MRPS5: variants seen among roughly 807,000 people sequenced by gnomAD.
MRPS5 encodes the protein mitochondrial ribosomal protein S5.
Under a neutral mutation model 51.9 loss-of-function variants are expected in MRPS5, and 27 were observed. The ratio of observed to expected loss-of-function variants is 0.52; its 90% CI spans 0.38 to 0.72. The LOEUF is 0.72. Among genes scored for constraint, MRPS5 ranks in the 30% least tolerant of loss-of-function variants. MRPS5 has a pLI of 0.00. For missense variants in MRPS5, 570 were observed against 545.7 expected (o/e 1.04, Z -0.44); for synonymous variants, 196 against 193.2 (o/e 1.01, Z -0.12).
chr2:95,108,451 C>A, intron 4 of MRPS5, 43 bp from the exon 5 acceptor site: 1 of 1,509,948 alleles, frequency 6.6e-7, no homozygotes, highest in South Asian at 1.2e-5. Context: ...TTAAAGTACT[C>A]ATTTTTCAAG....
upstream of MRPS5, chr2:95,121,947 G>C: frequency 1.2e-6 from 1 of 864,382 alleles, no homozygotes; most frequent in Non-Finnish European, 1.6e-6. Context: ...GGACTGTCCG[G>C]ACGGGCCACA....
At chr2:95,116,081 T>G (rs1408806944) in intron 2 of MRPS5, among the ~76,000 whole-genome samples, 1 of 151,916 alleles carries the variant, frequency 6.6e-6, no homozygotes, top group East Asian at 1.9e-4. Flanking sequence ...AATTTTTGTA[T>G]TTTTAGTAGA....
Position 95,106,404 on chromosome 2 carries a change from T to A in MRPS5, c.672+19A>T. 1 of 1,544,438 alleles carries A rather than the reference T, an allele frequency of 6.5e-7. No homozygotes were observed. Among genetic ancestry groups the A allele is most frequent in the Non-Finnish European group, 8.9e-7 (1 of 1,126,466 alleles). Reference sequence around the variant, plus strand: ...ACCTCTCCAAAGGCTTAACCAGGTATTTAATTCTGCATGCCTACCTCAAGT... The same window carrying A: ...ACCTCTCCAAAGGCTTAACCAGGTAATTAATTCTGCATGCCTACCTCAAGT... On this transcript the variant is annotated intron_variant, in intron 6 of 11. Coordinates refer to ENST00000272418, the MANE Select transcript of MRPS5 (RefSeq NM_031902.5).
At position 95,108,428 on chromosome 2, in the gene MRPS5, A is replaced by T. The variant is rs1676016569; in HGVS notation, c.404-20T>A. The T allele has an allele frequency of 1.3e-6, 2 of 1,584,716 alleles. No homozygotes were observed. The highest frequency in any genetic ancestry group is 1.4e-5 in the African/African-American group (1 of 73,804). On this transcript the variant is annotated intron_variant, in intron 4 of 11. Transcript: ENST00000272418. ...AACGCCCTGAAGGTTTAAAAATATAAATAATAATTTTGTTAAAGTACTCAT... is the reference window on the plus strand; with the variant it reads ...AACGCCCTGAAGGTTTAAAAATATATATAATAATTTTGTTAAAGTACTCAT...
At chr2:95,092,097 C>A (rs142017304) in intron 10 of MRPS5, 1 of 152,366 alleles carries the variant, frequency 6.6e-6, no homozygotes, top group Non-Finnish European at 1.5e-5. Context: ...TGGACCAGCA[C>A]AGACACTGCA....
intron 3 of MRPS5, among the ~76,000 whole-genome samples, chr2:95,111,627 T>C (rs1573346958): frequency 6.6e-6 from 1 of 152,214 alleles, no homozygotes; most frequent in Admixed American, 6.5e-5. Flanking sequence ...ACGTTTTTAA[T>C]ACTTTTCAAA....
chr2:95,111,135 C>G (rs1676106327), intron 3 of MRPS5, among the ~76,000 whole-genome samples: 1 of 152,192 alleles, frequency 6.6e-6, no homozygotes, highest in South Asian at 2.1e-4. Context: ...AAGTGAGGCT[C>G]AGGGAAAGTG....
At chr2:95,106,238 G>C (rs1256960795) in intron 6 of MRPS5, among the ~76,000 whole-genome samples, 185 bp downstream of exon 6, 3 of 152,170 alleles carry the variant, frequency 2.0e-5, no homozygotes, top group Non-Finnish European at 4.4e-5. Context: ...GAGGGTAGTA[G>C]TCAGAAGAGC....
chr2:95,109,886 C>A, intron 4 of MRPS5, 30 bp downstream of exon 4: 1 of 1,595,716 alleles, frequency 6.3e-7, no homozygotes, highest in Non-Finnish European at 8.5e-7. Context: ...ACTTACAAAG[C>A]ACTTTAGCTA....
chr2:95,106,668 C>A, intron 5 of MRPS5: 1 of 585,586 alleles, frequency 1.7e-6, no homozygotes, highest in Non-Finnish European at 3.1e-6. Context: ...GATCTCCCCA[C>A]CTGCACCCTC....
chr2:95,105,440 C>A (rs1197875345), intron 6 of MRPS5, among the ~76,000 whole-genome samples: 4 of 151,970 alleles, frequency 2.6e-5, no homozygotes, highest in Non-Finnish European at 5.9e-5. Context: ...GTCCCAGCTA[C>A]TCGGGAGGCT....
At chr2:95,112,603 A>G (rs539473598) in intron 3 of MRPS5, among the ~76,000 whole-genome samples, 2 of 152,348 alleles carry the variant, frequency 1.3e-5, no homozygotes, top group East Asian at 3.9e-4. Flanking sequence ...TTCAGAAATC[A>G]AAGACTATTT....
At chr2:95,093,047 G>A (rs1675514334) in intron 10 of MRPS5, 2 of 152,276 alleles carry the variant, frequency 1.3e-5, no homozygotes, top group Admixed American at 6.5e-5. Context: ...CACACCAGGA[G>A]ATTATATCCC....
At chr2:95,117,592 A>G (rs1462870672) in intron 2 of MRPS5, among the ~76,000 whole-genome samples, 1 of 150,392 alleles carries the variant, frequency 6.6e-6, no homozygotes, top group Non-Finnish European at 1.5e-5. Context: ...CCTAATACAC[A>G]GAAACTACCC....
chr2:95,100,926 G>T, intron 8 of MRPS5, 32 bp from the exon 9 acceptor site: 1 of 1,552,658 alleles, frequency 6.4e-7, no homozygotes, highest in Non-Finnish European at 8.7e-7. Flanking sequence ...TAACTCTATT[G>T]TTGAAATTTA....
In MRPS5 at chr2:95,097,226, G is replaced by T. The variant is rs548993354; in HGVS notation, c.931+3248C>A. On this transcript the variant is annotated intron_variant, in intron 10 of 11. Coordinates refer to ENST00000272418, the MANE Select transcript of MRPS5 (RefSeq NM_031902.5). ...AATGGAAGAACATTCCATGCTCATG[G>T]ATAGGAAGAATCAGTATCGTGAAAA... 3.3e-5 allele frequency among the ~76,000 whole-genome samples: 5 copies of T among 152,352 alleles called. No individual in the cohort carries two copies. The East Asian group carries it at 9.6e-4, about 29-fold the overall frequency.
At chr2:95,113,803 C>A (rs1444693741) in intron 3 of MRPS5, among the ~76,000 whole-genome samples, 1 of 151,836 alleles carries the variant, frequency 6.6e-6, no homozygotes. Context: ...CAGAAGTCCA[C>A]GGAAAAATGC....
At position 95,086,272 on chromosome 2, in the gene MRPS5, T is replaced by C. The variant is rs1421630822; in HGVS notation, c.*1085A>G. Reference sequence around the variant, plus strand: ...ATAAAAATGCTTCAGTGAGCAATTATAAACACTCTTGAAGCCATTTAAAGA... The same window carrying C: ...ATAAAAATGCTTCAGTGAGCAATTACAAACACTCTTGAAGCCATTTAAAGA... On this transcript the variant is annotated 3_prime_UTR_variant, in exon 12 of 12. Transcript: ENST00000272418. 6.6e-6 allele frequency among the ~76,000 whole-genome samples: 1 copy of C among 151,920 alleles called. No individual in the cohort carries two copies. Among genetic ancestry groups the C allele is most frequent in the East Asian group, 1.9e-4 (1 of 5,178 alleles).
upstream of MRPS5, chr2:95,121,869 C>T: frequency 6.9e-7 from 1 of 1,444,478 alleles, no homozygotes. Flanking sequence ...CCTCGTCAAA[C>T]GGCAAGCCTT....
Sources: allele counts gnomAD v4.1 joint callset (sites outside exome capture counted in the v4.1 genomes callset), GRCh38; gene constraint gnomAD v4.1.1; transcripts MANE v1.5; gene names NCBI Gene and HGNC (gene_info 2026-07-23, HGNC 2026-07-21).